ANGPT1: variants seen among roughly 807,000 people sequenced by gnomAD.
The protein encoded by ANGPT1 is angiopoietin 1.
In ANGPT1, 17 loss-of-function variants were observed where a neutral mutation model predicts 62.2. That is an observed-to-expected ratio of 0.27 (90% CI 0.19 to 0.41). The LOEUF (loss-of-function observed/expected upper bound fraction) is 0.41, where lower values mean the gene tolerates loss of function less well. Ranked by LOEUF, ANGPT1 falls within the 10% of genes least tolerant of loss-of-function variation. The pLI is 1.00. For missense variants in ANGPT1, 478 were observed against 594.9 expected, an observed-to-expected ratio of 0.80 and a Z score of 2.04; for synonymous variants, 199 against 198.9, an observed-to-expected ratio of 1.00 and a Z score of 0.00.
At chr8:107,265,114 C>CCT (rs1470752145) in intron 7 of ANGPT1, among the ~76,000 whole-genome samples, 1 of 151,530 alleles carries the variant, frequency 6.6e-6, no homozygotes, top group Non-Finnish European at 1.5e-5. Context: ...CTTCGAAGAA[C>CCT]CTCTCTTACT....
intron 1 of ANGPT1, among the ~76,000 whole-genome samples, chr8:107,448,213 T>A (rs1267671889): frequency 6.6e-6 from 1 of 152,244 alleles, no homozygotes; most frequent in Non-Finnish European, 1.5e-5. Flanking sequence ...ATACATTTTA[T>A]CATTTCAGTG....
intron 7 of ANGPT1, among the ~76,000 whole-genome samples, chr8:107,282,758 G>C (rs922761680): frequency 2.0e-5 from 3 of 151,434 alleles, no homozygotes; most frequent in Admixed American, 6.6e-5. Context: ...CTTACTTTTT[G>C]ATCATAGATC....
At chr8:107,347,471 G>T (rs1046886543) in intron 1 of ANGPT1, among the ~76,000 whole-genome samples, 3 of 152,070 alleles carry the variant, frequency 2.0e-5, no homozygotes, top group Admixed American at 6.6e-5. Flanking sequence ...TAAACCCAAG[G>T]TTGACCAGCA....
rs554250498 is a variant in ANGPT1 at position 107,430,744 on chromosome 8, G to A, written c.297+66518C>T. On this transcript the variant is annotated intron_variant, in intron 1 of 8. Transcript: ENST00000517746. ...GGTTTATAGGTGACCTCTAGAAGCCGAAAAAGACAAAGAAATCTATTCTCC... is the reference window on the plus strand; with the variant it reads ...GGTTTATAGGTGACCTCTAGAAGCCAAAAAAGACAAAGAAATCTATTCTCC... Among the ~76,000 whole-genome samples, 5 of 152,264 alleles carry A rather than the reference G, an allele frequency of 3.3e-5. No individual in the cohort carries two copies. In the East Asian group the frequency reaches 5.8e-4, roughly 18 times the overall value.
chr8:107,317,070 C>T (rs1815031244), intron 4 of ANGPT1, among the ~76,000 whole-genome samples: 1 of 152,114 alleles, frequency 6.6e-6, no homozygotes, highest in Non-Finnish European at 1.5e-5. Context: ...TGGATTCTGC[C>T]CTTATCCTTC....
chr8:107,446,409 T>C (rs1022457330), intron 1 of ANGPT1, among the ~76,000 whole-genome samples: 4 of 152,212 alleles, frequency 2.6e-5, no homozygotes, highest in African/African-American at 7.2e-5. Context: ...GCTGCTACCA[T>C]ATTGGACAAT....
chr8:107,327,301 G>A (rs17296616), intron 3 of ANGPT1, among the ~76,000 whole-genome samples: 24,714 of 151,862 alleles, frequency 0.16, 2,618 homozygotes, highest in Admixed American at 0.26. Context: ...ATCCAGGTCC[G>A]TTGGGAGTGG....
chr8:107,317,628 AT>A (rs60047500), intron 4 of ANGPT1, among the ~76,000 whole-genome samples: 1,484 of 84,974 alleles, frequency 0.017, 13 homozygotes, highest in African/African-American at 0.039. Context: ...ATTTATTTTT[AT>A]TTTTATTTTT....
chr8:107,488,592 A>G (rs1031956131), intron 1 of ANGPT1, among the ~76,000 whole-genome samples: 1 of 152,248 alleles, frequency 6.6e-6, no homozygotes, highest in African/African-American at 2.4e-5. Context: ...TTAAGTTATT[A>G]AATATTCAAC....
At chr8:107,258,487 G>A (rs1344696630) in intron 8 of ANGPT1, among the ~76,000 whole-genome samples, 1 of 152,052 alleles carries the variant, frequency 6.6e-6, no homozygotes, top group Non-Finnish European at 1.5e-5. Flanking sequence ...AAATTAATTG[G>A]TTATTTCTCA....
chr8:107,260,870 C>G (rs74686100), intron 8 of ANGPT1, among the ~76,000 whole-genome samples: 1 of 152,074 alleles, frequency 6.6e-6, no homozygotes, highest in South Asian at 2.1e-4. Context: ...AAGAACATGA[C>G]GAAGTTCAAT....
At chr8:107,435,756 C>T (rs1196766138) in intron 1 of ANGPT1, among the ~76,000 whole-genome samples, 2 of 152,184 alleles carry the variant, frequency 1.3e-5, no homozygotes, top group African/African-American at 4.8e-5. Context: ...TCATTGCCCA[C>T]CATGTGCCGG....
Position 107,340,315 on chromosome 8 carries a change from A to G in ANGPT1, c.454-4044T>C, listed in dbSNP as rs796973313. ...CAATTTCAAAGAATAAATTTTCCAA[A>G]ATATACCTAAGAGTAAGAGAGACAT... On this transcript the variant is annotated intron_variant, in intron 2 of 8. Coordinates refer to ENST00000517746, the MANE Select transcript of ANGPT1 (RefSeq NM_001146.5). 7.2e-5 allele frequency among the ~76,000 whole-genome samples: 11 copies of G among 152,340 alleles called. 1 individual carries two copies. Among genetic ancestry groups the G allele is most frequent in the South Asian group, 4.1e-4 (2 of 4,826 alleles).
chr8:107,375,650 A>AG (rs1397948376), intron 1 of ANGPT1, among the ~76,000 whole-genome samples: 1 of 152,188 alleles, frequency 6.6e-6, no homozygotes, highest in Admixed American at 6.5e-5. Context: ...GACGTTAGCC[A>AG]GGCTCCATAT....
At chr8:107,385,995 A>C (rs1816724755) in intron 1 of ANGPT1, among the ~76,000 whole-genome samples, 1 of 152,040 alleles carries the variant, frequency 6.6e-6, no homozygotes, top group Non-Finnish European at 1.5e-5. Context: ...GATCCGGTGA[A>C]TTAGCTTTAA....
At chr8:107,361,004 T>G (rs1816149907) in intron 1 of ANGPT1, among the ~76,000 whole-genome samples, 1 of 152,224 alleles carries the variant, frequency 6.6e-6, no homozygotes, top group Admixed American at 6.5e-5. Context: ...CTGAAAAGCA[T>G]TAGCATTTTC....
intron 1 of ANGPT1, among the ~76,000 whole-genome samples, chr8:107,465,667 AAAATAGTACT>A (rs1332226505): frequency 6.6e-6 from 1 of 152,172 alleles, no homozygotes; most frequent in Non-Finnish European, 1.5e-5. Flanking sequence ...AAGTAAATGC[AAAATAGTACT>A]AAATAGCATC....
intron 1 of ANGPT1, among the ~76,000 whole-genome samples, chr8:107,426,162 A>G (rs932456373): frequency 9.2e-5 from 14 of 152,144 alleles, no homozygotes; most frequent in Non-Finnish European, 2.1e-4. Context: ...GAATTCTACA[A>G]CAACCAGCAA....
intron 5 of ANGPT1, among the ~76,000 whole-genome samples, chr8:107,296,872 T>C (rs1478753889): frequency 6.6e-6 from 1 of 152,086 alleles, no homozygotes; most frequent in East Asian, 1.9e-4. Flanking sequence ...TTTATAAATG[T>C]AGAGTGCAGA....
Sources: allele counts gnomAD v4.1 joint callset (sites outside exome capture counted in the v4.1 genomes callset), GRCh38; gene constraint gnomAD v4.1.1; transcripts MANE v1.5; gene names NCBI Gene and HGNC (gene_info 2026-07-23, HGNC 2026-07-21).